Variants in SPIRE1 observed in about 807,000 individuals in gnomAD.
The protein encoded by SPIRE1 is spire type actin nucleation factor 1.
In SPIRE1, 40 loss-of-function variants were observed where a neutral mutation model predicts 94.1. The observed-to-expected ratio is 0.43, with a 90% CI of 0.33 to 0.55. SPIRE1 has a LOEUF of 0.55. Ranked by LOEUF, SPIRE1 falls within the 20% of genes least tolerant of loss-of-function variation. The probability of loss-of-function intolerance (pLI) is 0.06; values close to 1 mark genes in which losing one functional copy is unlikely to be tolerated. For missense variants in SPIRE1, 838 were observed against 975.2 expected (o/e 0.86, Z 1.87); for synonymous variants, 376 against 371.7 (o/e 1.01, Z -0.13).
intron 2 of SPIRE1, among the ~76,000 whole-genome samples, chr18:12,603,457 G>GCTAC: frequency 6.6e-6 from 1 of 152,282 alleles, no homozygotes; most frequent in South Asian, 2.1e-4. Flanking sequence ...CCCCTAGGTA[G>GCTAC]CTTCAGGATG....
rs369722089 is a variant in SPIRE1 at position 12,651,169 on chromosome 18, T to C, written c.337+6361A>G. On this transcript the variant is annotated intron_variant, in intron 1 of 16. Coordinates refer to ENST00000409402, the MANE Select transcript of SPIRE1 (RefSeq NM_001128626.2). ...GGAACTCAAAGCATATTTGTTAGAT[T>C]GAATTAACCTGACATATTTGAACTT... 2.1e-3 allele frequency among the ~76,000 whole-genome samples: 313 copies of C among 152,276 alleles called. 1 individual carries two copies. Among genetic ancestry groups the C allele is most frequent in the African/African-American group, 6.9e-3 (286 of 41,546 alleles).
chr18:12,622,704 G>A (rs909626833), intron 2 of SPIRE1, among the ~76,000 whole-genome samples: 2 of 152,204 alleles, frequency 1.3e-5, no homozygotes, highest in African/African-American at 4.8e-5. Flanking sequence ...TTACAGGCGT[G>A]AGCCACTGTG....
chr18:12,497,208 A>G (rs1487485797), intron 6 of SPIRE1, among the ~76,000 whole-genome samples: 1 of 152,206 alleles, frequency 6.6e-6, no homozygotes, highest in East Asian at 1.9e-4. Context: ...CCATCCACAA[A>G]ACTTTTAAGT....
chr18:12,593,725 G>A (rs1372628383), intron 2 of SPIRE1, among the ~76,000 whole-genome samples: 1 of 152,062 alleles, frequency 6.6e-6, no homozygotes, highest in Non-Finnish European at 1.5e-5. Context: ...CGAGGCGGGC[G>A]GATCACCTGA....
At chr18:12,574,763 G>A (rs921212452) in intron 2 of SPIRE1, among the ~76,000 whole-genome samples, 1 of 152,212 alleles carries the variant, frequency 6.6e-6, no homozygotes, top group South Asian at 2.1e-4. Flanking sequence ...CTGGCCAGAG[G>A]ATGAGAAACC....
intron 4 of SPIRE1, among the ~76,000 whole-genome samples, chr18:12,533,893 A>G (rs1257015149): frequency 1.3e-5 from 2 of 150,820 alleles, no homozygotes; most frequent in African/African-American, 4.9e-5. Flanking sequence ...ATCAGATCCC[A>G]CTTCCTCTGG....
chr18:12,461,054 AGTTT>A (rs1295594717), intron 12 of SPIRE1, among the ~76,000 whole-genome samples: 1 of 152,016 alleles, frequency 6.6e-6, no homozygotes, highest in Non-Finnish European at 1.5e-5. Context: ...ATTGCAAGTT[AGTTT>A]ATCTTGCTCT....
chr18:12,462,891 T>G (rs1284022687), intron 12 of SPIRE1, among the ~76,000 whole-genome samples: 1 of 151,848 alleles, frequency 6.6e-6, no homozygotes, highest in Non-Finnish European at 1.5e-5. Flanking sequence ...TGGTCAAGTT[T>G]CGTTTAGGTT....
At chr18:12,580,265 G>A (rs2036220886) in intron 2 of SPIRE1, among the ~76,000 whole-genome samples, 1 of 152,068 alleles carries the variant, frequency 6.6e-6, no homozygotes, top group African/African-American at 2.4e-5. Context: ...GGGTGTTGCA[G>A]GGTTGGAGAG....
upstream of SPIRE1, among the ~76,000 whole-genome samples, chr18:12,659,595 G>A (rs2144930435): frequency 6.6e-6 from 1 of 152,194 alleles, no homozygotes; most frequent in South Asian, 2.1e-4. Flanking sequence ...GCTTGAACCT[G>A]GGAGGTGGAA....
At chr18:12,535,687 T>C (rs774554629) in intron 3 of SPIRE1, 86 bp from the exon 4 acceptor site, 12 of 1,287,414 alleles carry the variant, frequency 9.3e-6, no homozygotes, top group Non-Finnish European at 1.3e-5. Flanking sequence ...CAGAGTGCAG[T>C]GGTTCACGCC....
chr18:12,452,609 T>A, intron 14 of SPIRE1, 97 bp from the exon 15 acceptor site: 1 of 1,168,720 alleles, frequency 8.6e-7, no homozygotes, highest in Non-Finnish European at 1.3e-6. Flanking sequence ...GTTTCCACAA[T>A]AAACTGCATA....
chr18:12,648,105 T>C (rs1370065948), intron 1 of SPIRE1, among the ~76,000 whole-genome samples: 1 of 152,142 alleles, frequency 6.6e-6, no homozygotes, highest in Non-Finnish European at 1.5e-5. Context: ...TATAAGTAAA[T>C]GGAGGAGAAG....
At chr18:12,575,920 G>A (rs528745158) in intron 2 of SPIRE1, among the ~76,000 whole-genome samples, 81 of 152,272 alleles carry the variant, frequency 5.3e-4, no homozygotes, top group Non-Finnish European at 7.1e-4. Flanking sequence ...AATGTATATG[G>A]AGGCCAGACG....
At chr18:12,629,181 G>C (rs2037709880) in intron 2 of SPIRE1, among the ~76,000 whole-genome samples, 1 of 152,140 alleles carries the variant, frequency 6.6e-6, no homozygotes, top group Non-Finnish European at 1.5e-5. Context: ...TGAAGGGAAA[G>C]GGCCTCTGAG....
intron 2 of SPIRE1, among the ~76,000 whole-genome samples, chr18:12,628,116 G>T (rs1238453147): frequency 6.6e-6 from 1 of 152,156 alleles, no homozygotes; most frequent in African/African-American, 2.4e-5. Flanking sequence ...TTTTAGTCAT[G>T]AAGTCCTTGA....
At chr18:12,632,242 T>C (rs1341379699) in intron 2 of SPIRE1, among the ~76,000 whole-genome samples, 1 of 152,228 alleles carries the variant, frequency 6.6e-6, no homozygotes, top group East Asian at 1.9e-4. Context: ...CCTGGACCAG[T>C]CTTGGTTCTG....
At chr18:12,536,511 TA>T (rs5823224) in intron 3 of SPIRE1, among the ~76,000 whole-genome samples, 12,525 of 135,198 alleles carry the variant, frequency 0.093, 702 homozygotes, top group Non-Finnish European at 0.14. Flanking sequence ...TGTAACGTAG[TA>T]AAAAAAAAAA....
At chr18:12,601,372 G>A (rs890355688) in intron 2 of SPIRE1, among the ~76,000 whole-genome samples, 12 of 151,074 alleles carry the variant, frequency 7.9e-5, no homozygotes, top group Admixed American at 6.6e-5. Context: ...GCAGTGAGCC[G>A]AGATCACACC....
Sources: allele counts gnomAD v4.1 joint callset (sites outside exome capture counted in the v4.1 genomes callset), GRCh38; gene constraint gnomAD v4.1.1; transcripts MANE v1.5; gene names NCBI Gene and HGNC (gene_info 2026-07-23, HGNC 2026-07-21).